The following ANAPC5 variants were observed in gnomAD, a reference collection of about 807,000 sequenced individuals.
ANAPC5 encodes anaphase promoting complex subunit 5, also known as anaphase-promoting complex subunit 5.
Under a neutral mutation model 91.3 loss-of-function variants are expected in ANAPC5, and 60 were observed. The ratio of observed to expected loss-of-function variants is 0.66; its 90% CI spans 0.53 to 0.81. ANAPC5 has a LOEUF of 0.81. Among genes scored for constraint, ANAPC5 ranks in the 40% least tolerant of loss-of-function variants. The pLI is 0.00. For missense variants in ANAPC5, 690 were observed against 931.5 expected (o/e 0.74, Z 3.37); for synonymous variants, 340 against 364.1 (o/e 0.93, Z 0.75).
intron 1 of ANAPC5, 38 bp downstream of exon 1, chr12:121,352,096 G>T: frequency 6.4e-7 from 1 of 1,566,308 alleles, no homozygotes; most frequent in Non-Finnish European, 8.7e-7. Flanking sequence ...CTCAGTAAAA[G>T]TTTGCTGCAC....
At chr12:121,320,697 G>C (rs1902563812) in intron 11 of ANAPC5, 2 of 308,144 alleles carry the variant, frequency 6.5e-6, no homozygotes, top group Admixed American at 4.4e-5. Flanking sequence ...CCGCTTCCCG[G>C]GTTCACGCCA....
At chr12:121,337,420 G>C in intron 5 of ANAPC5, 28 bp from the exon 6 acceptor site, 1 of 1,486,168 alleles carries the variant, frequency 6.7e-7, no homozygotes, top group Non-Finnish European at 9.4e-7. Context: ...TAACTCAGTA[G>C]AAAGAAAGGG....
chr12:121,337,833 C>A (rs566879705), intron 5 of ANAPC5, among the ~76,000 whole-genome samples: 2 of 152,124 alleles, frequency 1.3e-5, no homozygotes, highest in Non-Finnish European at 2.9e-5. Context: ...CCAATCTGAC[C>A]CCACCCCAGA....
intron 4 of ANAPC5, among the ~76,000 whole-genome samples, chr12:121,344,185 G>A (rs1210306767): frequency 1.3e-5 from 2 of 152,184 alleles, no homozygotes; most frequent in Non-Finnish European, 2.9e-5. Context: ...AAGGGTCTCA[G>A]TTCTCAAGGG....
In ANAPC5 at chr12:121,328,716, C is replaced by T. The variant is rs116050005; in HGVS notation, c.1123-219G>A. 1,802 of 460,140 alleles carry T rather than the reference C, an allele frequency of 3.9e-3. 19 individuals are homozygous for T. Among genetic ancestry groups the T allele is most frequent in the African/African-American group, 0.032 (1,605 of 50,660 alleles). The allele number at this position is 460,140 out of a possible 1,614,324, so 28.5% of individuals were successfully genotyped here. On this transcript the variant is annotated intron_variant, in intron 9 of 16. Coordinates refer to ENST00000261819, the MANE Select transcript of ANAPC5 (RefSeq NM_016237.5). ...GAGGCAGAGGGTACACGGGAAAGAG[C>T]CAGCAGGGCTTTAGCATTAGATGGA...
intron 12 of ANAPC5, among the ~76,000 whole-genome samples, chr12:121,320,139 G>T (rs560238885): frequency 6.6e-6 from 1 of 151,984 alleles, no homozygotes; most frequent in African/African-American, 2.4e-5. Flanking sequence ...ACTCAATTTG[G>T]TATTTATCAT....
Position 121,328,387 on chromosome 12 carries a change from T to C in ANAPC5, c.1233A>G (p.Lys411=), listed in dbSNP as rs144912201. The change falls in exon 10 of 17, where the codon AAA becomes AAG. Residue 411 remains lysine, a synonymous_variant. Transcript: ENST00000261819. ...TATCGATGAGCTCTGACAGGCTGTG[T>C]TTCCAGTGCAGGAGGTCGGAGTCCT... ...ALKDSDLLHW[K]HSLSELIDIS... The C allele has an allele frequency of 4.3e-6, 7 of 1,613,694 alleles. No individual in the cohort carries two copies. Among genetic ancestry groups the C allele is most frequent in the Admixed American group, 1.7e-5 (1 of 59,920 alleles).
At position 121,318,283 on chromosome 12, in the gene ANAPC5, A is replaced by T. The variant is rs766393925; in HGVS notation, c.1887T>A (p.Phe629Leu). The change falls in exon 15 of 17, where the codon TTT becomes TTA. Residue 629 changes from phenylalanine to leucine, a missense_variant. Coordinates refer to ENST00000261819, the MANE Select transcript of ANAPC5 (RefSeq NM_016237.5). The stretch of plus-strand genomic sequence containing the variant: ...AAAACAGAGATCGGCTTACCTGCGC[A>T]AAAGCCAAGTTCAGCACTGTTTCAG... ...LASETVLNLAFAQLILGIPEQ... is the reference protein window; with the variant it reads ...LASETVLNLALAQLILGIPEQ... 1.1e-5 allele frequency: 17 copies of T among 1,531,482 alleles called. No homozygotes were observed. Among genetic ancestry groups the T allele is most frequent in the Non-Finnish European group, 1.5e-5 (17 of 1,140,624 alleles). 94.9% of individuals were successfully genotyped at this position (1,531,482 alleles called of 1,614,324 possible). A position where few individuals can be genotyped will look rare whatever the true frequency, so the allele number is the denominator to read the frequency against.
intron 5 of ANAPC5, among the ~76,000 whole-genome samples, chr12:121,338,477 T>C (rs1451525753): frequency 6.6e-6 from 1 of 151,870 alleles, no homozygotes; most frequent in Non-Finnish European, 1.5e-5. Flanking sequence ...TAATCCTAGC[T>C]ACTCGGGAGG....
rs752380094 is a variant in ANAPC5 at position 121,320,487 on chromosome 12, G to C, written c.1441-28C>G. Reference sequence around the variant, plus strand: ...AAAGTAGAAACACACAATTTGATCAGCATAACCTGTGTTGAATCCACACCT... The same window carrying C: ...AAAGTAGAAACACACAATTTGATCACCATAACCTGTGTTGAATCCACACCT... On this transcript the variant is annotated intron_variant, in intron 11 of 16. Coordinates refer to ENST00000261819, the MANE Select transcript of ANAPC5 (RefSeq NM_016237.5). 6 of 1,603,616 alleles carry C rather than the reference G, an allele frequency of 3.7e-6. No individual in the cohort carries two copies. In the South Asian group the frequency reaches 6.6e-5, roughly 18 times the overall value.
intron 2 of ANAPC5, 169 bp from the exon 3 acceptor site, chr12:121,347,174 T>G (rs1903700331): frequency 1.9e-6 from 1 of 515,400 alleles, no homozygotes; most frequent in African/African-American, 2.0e-5. Context: ...ACTCCCGTAT[T>G]TCTGAAAAGT....
chr12:121,331,580 C>A, intron 7 of ANAPC5, 152 bp from the exon 8 acceptor site: 1 of 507,090 alleles, frequency 2.0e-6, no homozygotes. Context: ...AGAGGCGTGC[C>A]CCAACCCTAG....
Position 121,352,406 on chromosome 12 carries a change from A to G in ANAPC5, c.-66T>C. ...GCCAGTTGTCACCACAAGGCACAAC[A>G]CTACCGGGTCTACATCTCCGCCCGC... On this transcript the variant is annotated 5_prime_UTR_variant, in exon 1 of 17. Coordinates refer to ENST00000261819, the MANE Select transcript of ANAPC5 (RefSeq NM_016237.5). 3.0e-6 allele frequency: 4 copies of G among 1,319,404 alleles called. No homozygotes were observed. Among genetic ancestry groups the G allele is most frequent in the Non-Finnish European group, 3.2e-6 (3 of 944,664 alleles). The allele number at this position is 1,319,404 out of a possible 1,614,324, so 81.7% of individuals were successfully genotyped here.
chr12:121,340,607 G>A (rs187506039), intron 5 of ANAPC5, among the ~76,000 whole-genome samples: 1 of 151,224 alleles, frequency 6.6e-6, no homozygotes, highest in Admixed American at 6.6e-5. Context: ...CGCAATCTTG[G>A]CTCACTGCAA....
At chr12:121,347,653 T>C (rs1555274827) in intron 2 of ANAPC5, 149 bp downstream of exon 2, 2 of 628,244 alleles carry the variant, frequency 3.2e-6, no homozygotes, top group Non-Finnish European at 5.5e-6. Flanking sequence ...TATCCATTTT[T>C]CAACAAAACA....
At chr12:121,326,401 T>C (rs1159231378) in intron 11 of ANAPC5, 1 of 152,192 alleles carries the variant, frequency 6.6e-6, no homozygotes, top group East Asian at 1.9e-4. Context: ...TCCCTGACTC[T>C]TTCCCATGAA....
At chr12:121,309,235 G>T (rs1019288390) in intron 16 of ANAPC5, among the ~76,000 whole-genome samples, 29 of 150,712 alleles carry the variant, frequency 1.9e-4, no homozygotes, top group African/African-American at 6.8e-4. Flanking sequence ...CAGATCACAA[G>T]GTCAGGAGTT....
chr12:121,310,050 T>C (rs995681972), intron 15 of ANAPC5, 187 bp from the exon 16 acceptor site: 2 of 465,340 alleles, frequency 4.3e-6, no homozygotes, highest in Non-Finnish European at 3.7e-6. Context: ...TTTCAGACTA[T>C]GACAAATATA....
At chr12:121,309,192 T>C (rs891140095) in intron 16 of ANAPC5, among the ~76,000 whole-genome samples, 1 of 141,344 alleles carries the variant, frequency 7.1e-6, no homozygotes, top group Non-Finnish European at 1.5e-5. Flanking sequence ...GGCTCACACC[T>C]ATAATCCCAG....
Sources: gnomAD v4.1 joint callset for allele counts (sites outside exome capture counted in the v4.1 genomes callset) on GRCh38, gnomAD v4.1.1 for gene constraint, MANE v1.5 for transcripts, NCBI Gene and HGNC (gene_info 2026-07-23, HGNC 2026-07-21) for gene names.